The following TNNI3 variants were observed in gnomAD, a reference collection of about 807,000 sequenced individuals.
TNNI3 encodes the protein troponin I3, cardiac type, also known as troponin I, cardiac muscle.
Under a neutral mutation model 31.5 loss-of-function variants are expected in TNNI3, and 23 were observed. The ratio of observed to expected loss-of-function variants is 0.73; its 90% confidence interval spans 0.52 to 1.03. The LOEUF is 1.03. Ranked by LOEUF, TNNI3 falls within the 50% of genes least tolerant of loss-of-function variation. The pLI is 0.00. For synonymous variants in TNNI3, 120 were observed against 111.7 expected, an observed-to-expected ratio of 1.07 and a Z score of -0.47; for missense variants, 236 against 282.9, an observed-to-expected ratio of 0.83 and a Z score of 1.19.
At chr19:55,155,122 G>C (rs1221507750) in intron 5 of TNNI3, among the ~76,000 whole-genome samples, 10 of 98,464 alleles carry the variant, frequency 1.0e-4, no homozygotes, top group East Asian at 3.2e-4. Context: ...TCCTGGGTCT[G>C]AGGGAGGAGG....
intron 6 of TNNI3, 139 bp from the exon 7 acceptor site, chr19:55,154,345 C>G: frequency 1.1e-6 from 1 of 890,864 alleles, no homozygotes; most frequent in Non-Finnish European, 1.8e-6. Context: ...GCTTAGGCTC[C>G]CAGTCTAGGC....
In TNNI3 at chr19:55,154,210, G is replaced by A. The variant is rs2288530; in HGVS notation, c.373-4C>T. The A allele has an allele frequency of 3.1e-6, 5 of 1,610,914 alleles. No homozygotes were observed. Among genetic ancestry groups the A allele is most frequent in the South Asian group, 1.1e-5 (1 of 91,058 alleles). On this transcript the variant is annotated splice_region_variant and splice_polypyrimidine_tract_variant and intron_variant, in intron 6 of 7. Transcript: ENST00000344887. The stretch of plus-strand genomic sequence containing the variant: ...TCTTCTGAGTCAGATCTGCAATCTG[G>A]GGGCACACGAGGGGGTGGGTACTTC...
rs1373407583 is a variant in TNNI3, at chr19:55,156,937, G to C, written c.108+113C>G. On this transcript the variant is annotated intron_variant, in intron 3 of 7. Coordinates refer to ENST00000344887, the MANE Select transcript of TNNI3 (RefSeq NM_000363.5). The surrounding 1 kb of genome is among the most constrained non-coding windows in gnomAD (Gnocchi z 4.6). ...TGACCCTCTGCAAAACTCCGCCCCT[G>C]AAGCCCCTCCGCGTAGTCCCCGCCC... 1 of 1,257,708 alleles carries C rather than the reference G, an allele frequency of 8.0e-7. No homozygotes were observed. Among genetic ancestry groups the C allele is most frequent in the African/African-American group, 1.5e-5 (1 of 67,626 alleles). 77.9% of individuals were successfully genotyped at this position (1,257,708 alleles called of 1,614,324 possible).
intron 7 of TNNI3, among the ~76,000 whole-genome samples, chr19:55,153,316 G>A (rs2085705020): frequency 1.3e-5 from 2 of 151,616 alleles, no homozygotes; most frequent in African/African-American, 2.4e-5. Flanking sequence ...GTGTGTATAG[G>A]AAAAAAAATT....
At chr19:55,154,686 A>T in intron 6 of TNNI3, 55 bp downstream of exon 6, 1 of 1,495,522 alleles carries the variant, frequency 6.7e-7, no homozygotes, top group South Asian at 1.1e-5. Flanking sequence ...GCAGAGACCA[A>T]GTCCCAGCCA....
In TNNI3 at chr19:55,156,795, C is replaced by T; in HGVS notation, c.109-151G>A. The T allele has an allele frequency of 1.1e-6, 1 of 932,290 alleles. No homozygotes were observed. The highest frequency in any genetic ancestry group is 1.7e-6 in the Non-Finnish European group (1 of 589,980). The allele number at this position is 932,290 out of a possible 1,614,324, so 57.8% of individuals were successfully genotyped here. A position where few individuals can be genotyped will look rare whatever the true frequency, so the allele number is the denominator to read the frequency against. On this transcript the variant is annotated intron_variant, in intron 3 of 7. Coordinates refer to ENST00000344887, the MANE Select transcript of TNNI3 (RefSeq NM_000363.5). This position sits in a 1 kb window ranked among gnomAD's most constrained non-coding sequence, Gnocchi z 4.6. ...CCTGAGTCTACGGGAGGCCACGCCC[C>T]TCATTCCCATCCACCAATCTGGGTC... is the stretch of plus-strand genomic sequence containing the variant.
chr19:55,153,644 G>T (rs1038634305), intron 7 of TNNI3, among the ~76,000 whole-genome samples: 10 of 58,444 alleles, frequency 1.7e-4, no homozygotes, highest in African/African-American at 5.9e-4. Flanking sequence ...GGAGGCAGAG[G>T]TTGCAGTGAG....
rs2085731614 is a variant in TNNI3 at position 55,156,517 on chromosome 19, G to T, written c.150+86C>A. 28 of 1,418,892 alleles carry T rather than the reference G, an allele frequency of 2.0e-5. No homozygotes were observed. Among genetic ancestry groups the T allele is most frequent in the Non-Finnish European group, 2.4e-5 (26 of 1,061,496 alleles). 87.9% of individuals were successfully genotyped at this position (1,418,892 alleles called of 1,614,324 possible). On this transcript the variant is annotated intron_variant, in intron 4 of 7. Coordinates refer to ENST00000344887, the MANE Select transcript of TNNI3 (RefSeq NM_000363.5). This position sits in a 1 kb window ranked among gnomAD's most constrained non-coding sequence, Gnocchi z 4.6. ...GAGCGGCCAAACCCCGCCCACTTCC[G>T]CCCACCTACCCCGAAAGCCCCACCC... is the stretch of plus-strand genomic sequence containing the variant.
intron 5 of TNNI3, among the ~76,000 whole-genome samples, chr19:55,155,045 G>A (rs1464477589): frequency 1.4e-5 from 2 of 143,872 alleles, no homozygotes; most frequent in Non-Finnish European, 3.1e-5. Flanking sequence ...GGACTCCTGG[G>A]TCTGAGGGAG....
In TNNI3 at chr19:55,156,873, C is replaced by A; in HGVS notation, c.108+177G>T. 1.1e-6 allele frequency: 1 copy of A among 883,256 alleles called. No individual in the cohort carries two copies. The allele number at this position is 883,256 out of a possible 1,614,324, so 54.7% of individuals were successfully genotyped here. ...TATCCCTAAGCAAGTCCGAGGGCAA[C>A]GGAGTTCCGCCCGCAGGCTGCTGTC... On this transcript the variant is annotated intron_variant, in intron 3 of 7. Transcript: ENST00000344887. The surrounding 1 kb of genome is among the most constrained non-coding windows in gnomAD (Gnocchi z 4.6).
intron 7 of TNNI3, 37 bp downstream of exon 7, chr19:55,153,993 C>T (rs760485029): frequency 8.1e-6 from 13 of 1,609,786 alleles, no homozygotes; most frequent in Non-Finnish European, 1.1e-5. Flanking sequence ...AGCCCTTCCC[C>T]TCAGCATCCT....
At position 55,157,223 on chromosome 19, in the gene TNNI3, G is replaced by GC; in HGVS notation, c.24+72dup. On this transcript the variant is annotated intron_variant, in intron 2 of 7. Coordinates refer to ENST00000344887, the MANE Select transcript of TNNI3 (RefSeq NM_000363.5). This position sits in a 1 kb window ranked among gnomAD's most constrained non-coding sequence, Gnocchi z 6.3. ...CCCTCTGCTAGGGCTGCAGCCTCCC[G>GC]CCCCAGACCCCTCACTGCAGCGCCC... The GC allele has an allele frequency of 1.9e-6, 3 of 1,601,556 alleles. No homozygotes were observed. The highest frequency in any genetic ancestry group is 2.6e-6 in the Non-Finnish European group (3 of 1,174,798).
Position 55,156,208 on chromosome 19 carries a change from T to C in TNNI3, c.275A>G (p.Glu92Gly), listed in dbSNP as rs2085728194. Residue 92 changes from glutamate to glycine, a missense_variant, in exon 5 of 8, where the codon GAG becomes GGG. By Grantham distance (98) the Glu-to-Gly change is moderately conservative. Coordinates refer to ENST00000344887, the MANE Select transcript of TNNI3 (RefSeq NM_000363.5). The surrounding 1 kb of genome is among the most constrained non-coding windows in gnomAD (Gnocchi z 4.6). ...PLELAGLGFA[E>G]LQDLCRQLHA... is the part of the protein sequence containing the mutation. Reference sequence around the variant, plus strand: ...ATCCTTGGGAGCCGGTACCTGCAGCTCCGCGAAGCCCAGCCCGGCCAACTC... The same window carrying C: ...ATCCTTGGGAGCCGGTACCTGCAGCCCCGCGAAGCCCAGCCCGGCCAACTC... 1 of 1,612,604 alleles carries C rather than the reference T, an allele frequency of 6.2e-7. No homozygotes were observed. Among genetic ancestry groups the C allele is most frequent in the African/African-American group, 1.3e-5 (1 of 74,856 alleles).
At chr19:55,155,827 C>A (rs1243027757) in intron 5 of TNNI3, among the ~76,000 whole-genome samples, 1 of 121,644 alleles carries the variant, frequency 8.2e-6, no homozygotes, top group African/African-American at 3.6e-5. Flanking sequence ...GGGGCTGGGG[C>A]CTGGACTCCA....
chr19:55,156,773 G>GA lies in TNNI3; in HGVS notation c.109-130dup, dbSNP rs1599911778. On this transcript the variant is annotated intron_variant, in intron 3 of 7. Coordinates refer to ENST00000344887, the MANE Select transcript of TNNI3 (RefSeq NM_000363.5). This position sits in a 1 kb window ranked among gnomAD's most constrained non-coding sequence, Gnocchi z 4.6. The stretch of plus-strand genomic sequence containing the variant: ...TGGGCCCACGTCCAACTTGAGCCCT[G>GA]AGTCTACGGGAGGCCACGCCCCTCA... 1 of 1,057,316 alleles carries GA rather than the reference G, an allele frequency of 9.5e-7. No individual in the cohort carries two copies. Among genetic ancestry groups the GA allele is most frequent in the East Asian group, 2.6e-5 (1 of 38,562 alleles). The allele number at this position is 1,057,316 out of a possible 1,614,324, so 65.5% of individuals were successfully genotyped here. A position where few individuals can be genotyped will look rare whatever the true frequency, so the allele number is the denominator to read the frequency against.
chr19:55,157,016 G>T lies in TNNI3; in HGVS notation c.108+34C>A, dbSNP rs773514617. On this transcript the variant is annotated intron_variant, in intron 3 of 7. Coordinates refer to ENST00000344887, the MANE Select transcript of TNNI3 (RefSeq NM_000363.5). This position sits in a 1 kb window ranked among gnomAD's most constrained non-coding sequence, Gnocchi z 6.3. ...TCCCAGGGTCTTGGATCCCTCCGGC[G>T]CCTGTACTCTGCCCCCAGGAAGCCC... 1 of 1,557,282 alleles carries T rather than the reference G, an allele frequency of 6.4e-7. No homozygotes were observed.
intron 7 of TNNI3, among the ~76,000 whole-genome samples, chr19:55,153,214 G>A (rs1330096497): frequency 6.6e-6 from 1 of 152,100 alleles, no homozygotes; most frequent in East Asian, 1.9e-4. Context: ...TTACAGGCAT[G>A]AGCCACCACG....
chr19:55,157,547 C>A lies in TNNI3; in HGVS notation c.11+32G>T. On this transcript the variant is annotated intron_variant, in intron 1 of 7. Transcript: ENST00000344887. This position sits in a 1 kb window ranked among gnomAD's most constrained non-coding sequence, Gnocchi z 6.3. ...CCTCTTGGGAACCCGGGAGGTCGCCCCCAACTCCCACTGCCTTGGGGCATC... is the reference window on the plus strand; with the variant it reads ...CCTCTTGGGAACCCGGGAGGTCGCCACCAACTCCCACTGCCTTGGGGCATC... 6.2e-7 allele frequency: 1 copy of A among 1,613,426 alleles called. No individual in the cohort carries two copies. The highest frequency in any genetic ancestry group is 8.5e-7 in the Non-Finnish European group (1 of 1,179,588).
intron 7 of TNNI3, among the ~76,000 whole-genome samples, chr19:55,153,656 C>T (rs1162449393): frequency 1.4e-4 from 4 of 28,338 alleles, no homozygotes; most frequent in African/African-American, 4.6e-4. Flanking sequence ...TGCAGTGAGC[C>T]GAGATGGTGT....
Sources: allele counts gnomAD v4.1 joint callset (sites outside exome capture counted in the v4.1 genomes callset), GRCh38; gene constraint gnomAD v4.1.1; non-coding constraint Gnocchi (gnomAD v3.1); transcripts MANE v1.5; gene names NCBI Gene and HGNC (gene_info 2026-07-23, HGNC 2026-07-21).